SYNE2: variants seen among roughly 807,000 people sequenced by gnomAD.
SYNE2 encodes the protein spectrin repeat containing nuclear envelope protein 2, also known as nesprin-2.
In SYNE2, 431 loss-of-function variants were observed where a neutral mutation model predicts 856.3. The observed-to-expected ratio is 0.50, with a 90% CI of 0.47 to 0.55. SYNE2 has a LOEUF of 0.55. Among genes scored for constraint, SYNE2 ranks in the 20% least tolerant of loss-of-function variants. The pLI is 0.00. For missense variants in SYNE2, 8,129 were observed against 8,023.2 expected (o/e 1.01, Z -0.50); for synonymous variants, 2,923 against 2,872.3 (o/e 1.02, Z -0.56).
intron 1 of SYNE2, among the ~76,000 whole-genome samples, chr14:63,785,341 C>CTA (rs1887480437): frequency 6.6e-6 from 1 of 152,104 alleles, no homozygotes; most frequent in African/African-American, 2.4e-5. Context: ...ACCTGTGGTC[C>CTA]TAGCTACTTG....
intron 64 of SYNE2, among the ~76,000 whole-genome samples, chr14:64,104,330 C>T (rs111916884): frequency 4.1e-4 from 63 of 152,194 alleles, no homozygotes; most frequent in South Asian, 2.1e-3. Flanking sequence ...CTGTTCTTCC[C>T]TGTCCCTTCT....
chr14:64,083,543 T>A (rs1033546111), intron 57 of SYNE2, among the ~76,000 whole-genome samples: 1 of 152,230 alleles, frequency 6.6e-6, no homozygotes, highest in Non-Finnish European at 1.5e-5. Flanking sequence ...CTTTCTGAGC[T>A]AGAACTGAGG....
intron 45 of SYNE2, among the ~76,000 whole-genome samples, chr14:64,039,694 G>C (rs1321535757): frequency 3.3e-5 from 5 of 152,126 alleles, no homozygotes; most frequent in Admixed American, 1.3e-4. Context: ...CAATATGTAG[G>C]CTTTAGTACA....
chr14:63,876,172 G>A (rs2094711176), intron 1 of SYNE2, among the ~76,000 whole-genome samples: 1 of 150,466 alleles, frequency 6.6e-6, no homozygotes, highest in South Asian at 2.1e-4. Context: ...TAGCACTTTG[G>A]AAGGCTGAGA....
At chr14:63,782,466 TC>T (rs1477980835) in intron 1 of SYNE2, among the ~76,000 whole-genome samples, 2 of 15,154 alleles carry the variant, frequency 1.3e-4, no homozygotes, top group South Asian at 2.1e-3. Context: ...AAACTCCATC[TC>T]AAAAAAAAAA....
At chr14:63,879,736 GT>G (rs1025334829) in intron 1 of SYNE2, among the ~76,000 whole-genome samples, 2 of 152,178 alleles carry the variant, frequency 1.3e-5, no homozygotes, top group South Asian at 2.1e-4. Flanking sequence ...GTATTTTTGC[GT>G]TTTCCCTTTG....
chr14:63,997,332 G>C lies in SYNE2; in HGVS notation c.3184G>C (p.Gly1062Arg). 1 of 1,613,688 alleles carries C rather than the reference G, an allele frequency of 6.2e-7. No individual in the cohort carries two copies. The change falls in exon 25 of 116, where the codon GGG becomes CGG. Residue 1062 changes from glycine to arginine, a missense_variant. Gly to Arg is a moderately radical substitution (Grantham distance 125). Around this residue, in one of 3 missense-constraint regions of SYNE2, gnomAD observed 2,422 missense variants for 2,357.4 expected, o/e 1.03. Coordinates refer to ENST00000555002, the MANE Select transcript of SYNE2 (RefSeq NM_182914.3). ...CATCACCACATCTGAGAATAGAGGA[G>C]GGGATCCCCACAGTGAGGCACCATT... ...GTITTSENRG[G>R]DPHSEAPFAK...
intron 6 of SYNE2, among the ~76,000 whole-genome samples, chr14:63,945,126 T>TA (rs1491146048): frequency 4.0e-5 from 5 of 125,824 alleles, no homozygotes; most frequent in African/African-American, 1.4e-4. Context: ...TTTTTTTTTT[T>TA]AATTAAAAAA....
At chr14:63,880,217 A>G (rs559499631) in intron 1 of SYNE2, among the ~76,000 whole-genome samples, 6 of 152,186 alleles carry the variant, frequency 3.9e-5, no homozygotes, top group African/African-American at 1.2e-4. Context: ...CAGCCTCCCA[A>G]GTAGCTGCGA....
chr14:63,956,940 C>G (rs1484572900), intron 8 of SYNE2, among the ~76,000 whole-genome samples: 4 of 152,144 alleles, frequency 2.6e-5, no homozygotes, highest in African/African-American at 9.7e-5. Context: ...AAAGGAACTC[C>G]TGTGACCATT....
chr14:64,164,970 C>T (rs913032179), intron 89 of SYNE2, among the ~76,000 whole-genome samples: 4 of 152,036 alleles, frequency 2.6e-5, no homozygotes, highest in Admixed American at 2.0e-4. Flanking sequence ...TTACTGCAGC[C>T]TTGACCTCCC....
intron 23 of SYNE2, 118 bp downstream of exon 23, chr14:63,995,320 C>A: frequency 2.5e-6 from 2 of 788,446 alleles, no homozygotes; most frequent in East Asian, 2.8e-5. Context: ...GCCCTCCTCT[C>A]CCCGGGGATG....
chr14:63,942,351 C>T (rs926975903), intron 6 of SYNE2, among the ~76,000 whole-genome samples: 1 of 152,166 alleles, frequency 6.6e-6, no homozygotes, highest in Admixed American at 6.5e-5. Flanking sequence ...TGGAGTCTCG[C>T]TCTGTCGGCC....
At chr14:63,804,338 TC>T (rs1311531689) in intron 1 of SYNE2, among the ~76,000 whole-genome samples, 1 of 152,220 alleles carries the variant, frequency 6.6e-6, no homozygotes, top group Non-Finnish European at 1.5e-5. Flanking sequence ...GTTGATAGTT[TC>T]TTTTGCTGTG....
At position 64,113,055 on chromosome 14, in the gene SYNE2, C is replaced by A. The variant is rs184149383; in HGVS notation, c.12610-286C>A. 1.5e-4 allele frequency: 151 copies of A among 985,368 alleles called. No individual in the cohort carries two copies. The African/African-American group carries it at 2.5e-3, about 16-fold the overall frequency. 61.0% of individuals were successfully genotyped at this position (985,368 alleles called of 1,614,324 possible). On this transcript the variant is annotated intron_variant, in intron 65 of 115. Transcript: ENST00000555002. ...ACACACACCCTGTCACTCACATTCTCACCTGTCTCCTGGGGCTCACCGGGT... is the reference window on the plus strand; with the variant it reads ...ACACACACCCTGTCACTCACATTCTAACCTGTCTCCTGGGGCTCACCGGGT...
intron 87 of SYNE2, among the ~76,000 whole-genome samples, chr14:64,161,508 A>G (rs1328096458): frequency 6.6e-6 from 1 of 152,186 alleles, no homozygotes; most frequent in Non-Finnish European, 1.5e-5. Context: ...TAAAGATAGC[A>G]TATCTCTATA....
intron 73 of SYNE2, among the ~76,000 whole-genome samples, chr14:64,127,609 C>T (rs572597631): frequency 1.9e-4 from 29 of 152,098 alleles, no homozygotes; most frequent in African/African-American, 5.8e-4. Context: ...AATGACAATC[C>T]GTGTATGTTT....
intron 57 of SYNE2, among the ~76,000 whole-genome samples, chr14:64,082,354 AC>A (rs2097530925): frequency 6.6e-6 from 1 of 151,558 alleles, no homozygotes; most frequent in Non-Finnish European, 1.5e-5. Context: ...GGAATGCTCC[AC>A]CGGTAAGTAT....
intron 1 of SYNE2, among the ~76,000 whole-genome samples, chr14:63,835,642 G>A (rs982591129): frequency 1.3e-5 from 2 of 151,852 alleles, no homozygotes; most frequent in South Asian, 2.1e-4. Context: ...ATTCCCATTA[G>A]CATCAGTGTT....
Sources: gnomAD v4.1 joint callset for allele counts (sites outside exome capture counted in the v4.1 genomes callset) on GRCh38, gnomAD v4.1.1 for gene constraint, gnomAD v4.1.1 regional missense constraint, MANE v1.5 for transcripts, NCBI Gene and HGNC (gene_info 2026-07-23, HGNC 2026-07-21) for gene names.